DNAH14: variants seen among roughly 807,000 people sequenced by gnomAD.
DNAH14 encodes the protein axonemal beta dynein heavy chain 14.
Under a neutral mutation model 520.9 loss-of-function variants are expected in DNAH14, and 478 were observed. The observed-to-expected ratio is 0.92, with a 90% CI of 0.85 to 0.99. The LOEUF (loss-of-function observed/expected upper bound fraction) is 0.99, where lower values mean the gene tolerates loss of function less well. Among genes scored for constraint, DNAH14 ranks in the 50% least tolerant of loss-of-function variants. The pLI is 0.00. For synonymous variants in DNAH14, 1,581 were observed against 1,757.2 expected (o/e 0.90, Z 2.51); for missense variants, 4,831 against 5,234.5 (o/e 0.92, Z 2.38).
chr1:225,100,289 T>G (rs1573065220), intron 22 of DNAH14, among the ~76,000 whole-genome samples: 1 of 152,180 alleles, frequency 6.6e-6, no homozygotes, highest in East Asian at 1.9e-4. Flanking sequence ...ATGCCCCCTC[T>G]GTCTTCTATT....
At chr1:225,133,791 A>G (rs1340630363) in intron 27 of DNAH14, among the ~76,000 whole-genome samples, 1 of 152,184 alleles carries the variant, frequency 6.6e-6, no homozygotes, top group Non-Finnish European at 1.5e-5. Context: ...TGGGAATAGC[A>G]TTGAATCTAT....
At chr1:225,014,305 A>G (rs751675589) in intron 10 of DNAH14, among the ~76,000 whole-genome samples, 13 of 151,992 alleles carry the variant, frequency 8.6e-5, no homozygotes, top group Admixed American at 6.6e-4. Context: ...ACCAGTCCCA[A>G]TGAGATGAAC....
At chr1:225,124,003 T>A (rs186268880) in intron 27 of DNAH14, among the ~76,000 whole-genome samples, 8,006 of 152,216 alleles carry the variant, frequency 0.053, 317 homozygotes, top group Non-Finnish European at 0.078. Flanking sequence ...TCTGCCCACC[T>A]CAGCCTCCCA....
chr1:225,324,092 A>T, intron 62 of DNAH14, 130 bp from the exon 63 acceptor site: 1 of 1,134,006 alleles, frequency 8.8e-7, no homozygotes, highest in Non-Finnish European at 1.2e-6. Context: ...CTGGGTTTAT[A>T]GGCATGAGCC....
chr1:224,940,795 T>A (rs1571902822), intron 1 of DNAH14, among the ~76,000 whole-genome samples: 1 of 152,116 alleles, frequency 6.6e-6, no homozygotes, highest in Non-Finnish European at 1.5e-5. Flanking sequence ...TGCGATAGTT[T>A]GCTGAGAATG....
intron 55 of DNAH14, among the ~76,000 whole-genome samples, chr1:225,298,191 G>T (rs2094055188): frequency 6.6e-6 from 1 of 151,938 alleles, no homozygotes; most frequent in African/African-American, 2.4e-5. Flanking sequence ...TAGCCTGGGG[G>T]TATGTCTTCC....
intron 23 of DNAH14, among the ~76,000 whole-genome samples, chr1:225,106,480 C>T (rs12071776): frequency 0.13 from 19,405 of 151,942 alleles, 3,799 homozygotes; most frequent in African/African-American, 0.43. Context: ...GAGTGTTTTC[C>T]AACTTGGTTC....
chr1:225,303,429 G>A, intron 57 of DNAH14, 82 bp downstream of exon 57: 2 of 1,248,682 alleles, frequency 1.6e-6, no homozygotes, highest in Non-Finnish European at 2.2e-6. Context: ...ACAAACCCTA[G>A]ATGGACAAAA....
intron 46 of DNAH14, among the ~76,000 whole-genome samples, chr1:225,261,718 T>C (rs1389786462): frequency 6.6e-6 from 1 of 152,094 alleles, no homozygotes; most frequent in African/African-American, 2.4e-5. Context: ...AGGAGTGGTA[T>C]TAGTTCCCCT....
chr1:225,273,633 T>G (rs957292228), intron 52 of DNAH14, among the ~76,000 whole-genome samples: 2 of 152,204 alleles, frequency 1.3e-5, no homozygotes, highest in African/African-American at 4.8e-5. Context: ...CCCATGCTTT[T>G]GGCCCCTTAG....
chr1:225,389,519 C>T (rs1374689009), intron 82 of DNAH14, among the ~76,000 whole-genome samples: 1 of 152,252 alleles, frequency 6.6e-6, no homozygotes, highest in Non-Finnish European at 1.5e-5. Flanking sequence ...TCTGTTGTTA[C>T]CCAAATCTGT....
At chr1:225,283,308 C>G (rs1475999690) in intron 54 of DNAH14, among the ~76,000 whole-genome samples, 1 of 151,604 alleles carries the variant, frequency 6.6e-6, no homozygotes, top group African/African-American at 2.4e-5. Context: ...TTCAAAGATC[C>G]AAAATGGCTG....
At chr1:224,943,376 C>G (rs1162832148) in intron 1 of DNAH14, among the ~76,000 whole-genome samples, 1 of 148,222 alleles carries the variant, frequency 6.7e-6, no homozygotes, top group Non-Finnish European at 1.5e-5. Context: ...CTATTTGATT[C>G]CTCTCTCTTT....
At chr1:225,155,250 G>A (rs2080911574) in intron 34 of DNAH14, among the ~76,000 whole-genome samples, 1 of 151,640 alleles carries the variant, frequency 6.6e-6, no homozygotes, top group Non-Finnish European at 1.5e-5. Flanking sequence ...ATTTAAAATT[G>A]AAAAAAAGAT....
intron 1 of DNAH14, among the ~76,000 whole-genome samples, chr1:224,941,134 A>G (rs997833241): frequency 3.9e-5 from 6 of 152,242 alleles, no homozygotes; most frequent in African/African-American, 1.4e-4. Flanking sequence ...CAGTCCCACC[A>G]ACAGTGTAAA....
intron 8 of DNAH14, among the ~76,000 whole-genome samples, chr1:224,999,463 C>A (rs2063607843): frequency 6.6e-6 from 1 of 152,116 alleles, no homozygotes; most frequent in Admixed American, 6.5e-5. Context: ...CCTCGGCCTC[C>A]CAGAGTGCTG....
chr1:225,157,342 A>C (rs1034089664), intron 34 of DNAH14, among the ~76,000 whole-genome samples: 10 of 152,162 alleles, frequency 6.6e-5, no homozygotes, highest in African/African-American at 2.4e-4. Flanking sequence ...AATTCCAAAA[A>C]AGTGGTATGA....
At chr1:225,015,385 G>C (rs993772474) in intron 10 of DNAH14, among the ~76,000 whole-genome samples, 2 of 152,044 alleles carry the variant, frequency 1.3e-5, no homozygotes, top group Non-Finnish European at 2.9e-5. Flanking sequence ...CTCTCTTATT[G>C]TTATTTTTGC....
intron 36 of DNAH14, 132 bp downstream of exon 36, chr1:225,168,160 T>C (rs980684867): frequency 1.2e-5 from 7 of 604,162 alleles, no homozygotes; most frequent in South Asian, 4.2e-5. Context: ...CATTTATTAA[T>C]TGTTAGTCAA....
Sources: gnomAD v4.1 joint callset for allele counts (sites outside exome capture counted in the v4.1 genomes callset) on GRCh38, gnomAD v4.1.1 for gene constraint, MANE v1.5 for transcripts, NCBI Gene and HGNC (gene_info 2026-07-23, HGNC 2026-07-21) for gene names.